EPHA3: variants seen among roughly 807,000 people sequenced by gnomAD.
EPHA3 encodes the protein EPH receptor A3, also known as ephrin type-A receptor 3.
A neutral mutation model predicts 107.1 loss-of-function variants in EPHA3; 42 were observed. The observed-to-expected ratio is 0.39, with a 90% CI of 0.31 to 0.51. The LOEUF is 0.51. Ranked by LOEUF, EPHA3 falls within the 20% of genes least tolerant of loss-of-function variation. EPHA3 has a pLI of 0.78. For synonymous variants in EPHA3, 461 were observed against 424.8 expected, an observed-to-expected ratio of 1.09 and a Z score of -1.05; for missense variants, 1,183 against 1,211.2, an observed-to-expected ratio of 0.98 and a Z score of 0.35.
intron 3 of EPHA3, among the ~76,000 whole-genome samples, chr3:89,294,206 T>G (rs1227458895): frequency 2.0e-5 from 3 of 152,150 alleles, no homozygotes; most frequent in African/African-American, 7.2e-5. Context: ...TAATTTATTT[T>G]TATTAATTTT....
chr3:89,399,421 G>C lies in EPHA3; in HGVS notation c.1535G>C (p.Arg512Pro), dbSNP rs1708912904. Residue 512 changes from arginine to proline, a missense_variant, in exon 7 of 17, where the codon CGA (arginine) becomes CCA (proline). Coordinates refer to ENST00000336596, the MANE Select transcript of EPHA3 (RefSeq NM_005233.6). ...DTIYVFQIRARTAAGYGTNSR... is the reference protein window; with the variant it reads ...DTIYVFQIRAPTAAGYGTNSR... Reference sequence around the variant, plus strand: ...ATATACGTATTCCAAATCCGAGCCCGAACAGCCGCTGGATATGGGACGAAC... The same window carrying C: ...ATATACGTATTCCAAATCCGAGCCCCAACAGCCGCTGGATATGGGACGAAC... 6.2e-7 allele frequency: 1 copy of C among 1,614,022 alleles called. No individual in the cohort carries two copies. The highest frequency in any genetic ancestry group is 2.2e-5 in the East Asian group (1 of 44,860).
At chr3:89,467,751 GAGAA>G (rs1411328757) in intron 15 of EPHA3, among the ~76,000 whole-genome samples, 1 of 152,170 alleles carries the variant, frequency 6.6e-6, no homozygotes, top group African/African-American at 2.4e-5. Context: ...TAGAAAGAGA[GAGAA>G]AGAAAGGGAA....
chr3:89,345,473 T>A (rs1199277656), intron 5 of EPHA3, among the ~76,000 whole-genome samples: 1 of 151,218 alleles, frequency 6.6e-6, no homozygotes, highest in Non-Finnish European at 1.5e-5. Context: ...CCCAGATTTC[T>A]CCTAGATTAA....
chr3:89,358,961 A>G lies in EPHA3; in HGVS notation c.1306+16871A>G, dbSNP rs542197261. ...AACAATGGGACAAGAGCAAATGTTTAAAGTTGTGCAGTAAAACTCACCACA... is the reference window on the plus strand; with the variant it reads ...AACAATGGGACAAGAGCAAATGTTTGAAGTTGTGCAGTAAAACTCACCACA... On this transcript the variant is annotated intron_variant, in intron 5 of 16. Transcript: ENST00000336596. Among the ~76,000 whole-genome samples, 54 of 151,342 alleles carry G rather than the reference A, an allele frequency of 3.6e-4. 4 individuals are homozygous for G. The highest frequency in any genetic ancestry group is 6.1e-4 in the Non-Finnish European group (41 of 67,482).
intron 3 of EPHA3, among the ~76,000 whole-genome samples, chr3:89,305,133 T>C (rs1486640913): frequency 6.6e-6 from 1 of 152,204 alleles, no homozygotes; most frequent in Admixed American, 6.5e-5. Flanking sequence ...GAATTCTCCA[T>C]AGATACTTGC....
At chr3:89,307,357 C>CA (rs2107355075) in intron 3 of EPHA3, among the ~76,000 whole-genome samples, 1 of 152,098 alleles carries the variant, frequency 6.6e-6, no homozygotes, top group African/African-American at 2.4e-5. Context: ...CCAAATAAAT[C>CA]AAAACCCATG....
At chr3:89,367,420 C>T (rs933039093) in intron 5 of EPHA3, among the ~76,000 whole-genome samples, 5 of 150,574 alleles carry the variant, frequency 3.3e-5, no homozygotes, top group African/African-American at 1.2e-4. Context: ...TGTCACTGCT[C>T]TTATAGGTGA....
intron 3 of EPHA3, among the ~76,000 whole-genome samples, chr3:89,230,765 T>A (rs551773560): frequency 1.3e-5 from 2 of 151,030 alleles, no homozygotes; most frequent in South Asian, 4.2e-4. Context: ...ACTGGTATGG[T>A]TCCACTTCCC....
chr3:89,432,089 T>C (rs1709579737), intron 13 of EPHA3, among the ~76,000 whole-genome samples: 1 of 152,082 alleles, frequency 6.6e-6, no homozygotes, highest in African/African-American at 2.4e-5. Context: ...CAAATTATTA[T>C]TATATTTAAT....
At chr3:89,417,674 G>A (rs1709274672) in intron 10 of EPHA3, among the ~76,000 whole-genome samples, 1 of 151,138 alleles carries the variant, frequency 6.6e-6, no homozygotes, top group South Asian at 2.1e-4. Context: ...TCTACTCCCT[G>A]ATTCTTTCTG....
At chr3:89,444,324 A>G (rs1437810387) in intron 13 of EPHA3, among the ~76,000 whole-genome samples, 1 of 152,132 alleles carries the variant, frequency 6.6e-6, no homozygotes, top group Non-Finnish European at 1.5e-5. Flanking sequence ...GTATGTATCT[A>G]TCTTTTCTTA....
intron 7 of EPHA3, among the ~76,000 whole-genome samples, chr3:89,404,734 G>C (rs1332666011): frequency 6.6e-6 from 1 of 152,118 alleles, no homozygotes. Context: ...AGAAATCCTA[G>C]TTTAATTCTG....
chr3:89,369,346 C>T lies in EPHA3; in HGVS notation c.1307-26491C>T, dbSNP rs564720714. 1.5e-3 allele frequency among the ~76,000 whole-genome samples: 223 copies of T among 150,684 alleles called. 2 individuals carry two copies. The highest frequency in any genetic ancestry group is 4.9e-3 in the African/African-American group (200 of 41,198). ...AACAGAGCCCTCAGAAATAATGCCACGTATCTACAACTATCTGATCTTTGA... is the reference window on the plus strand; with the variant it reads ...AACAGAGCCCTCAGAAATAATGCCATGTATCTACAACTATCTGATCTTTGA... On this transcript the variant is annotated intron_variant, in intron 5 of 16. Coordinates refer to ENST00000336596, the MANE Select transcript of EPHA3 (RefSeq NM_005233.6).
intron 2 of EPHA3, among the ~76,000 whole-genome samples, chr3:89,200,833 C>A (rs79718078): frequency 0.015 from 2,283 of 152,176 alleles, 65 homozygotes; most frequent in African/African-American, 0.053. Flanking sequence ...GTTAGGTGAA[C>A]TGGCATGTCT....
intron 2 of EPHA3, among the ~76,000 whole-genome samples, chr3:89,152,330 C>T (rs1704707044): frequency 6.6e-6 from 1 of 152,028 alleles, no homozygotes; most frequent in South Asian, 2.1e-4. Context: ...AAACGACCTC[C>T]TCATGCTGTT....
At chr3:89,276,731 T>A (rs987925359) in intron 3 of EPHA3, among the ~76,000 whole-genome samples, 2 of 152,112 alleles carry the variant, frequency 1.3e-5, no homozygotes, top group African/African-American at 4.8e-5. Flanking sequence ...CTAATCCGAA[T>A]AGCCTTCTCA....
intron 3 of EPHA3, among the ~76,000 whole-genome samples, chr3:89,282,708 G>A (rs964528394): frequency 6.6e-6 from 1 of 152,032 alleles, no homozygotes; most frequent in Non-Finnish European, 1.5e-5. Context: ...TGTAAAAAGT[G>A]AATAAATGTG....
intron 7 of EPHA3, chr3:89,400,099 T>C (rs1708927852): frequency 9.9e-7 from 1 of 1,008,500 alleles, no homozygotes; most frequent in African/African-American, 1.7e-5. Flanking sequence ...TTTGCTAAAA[T>C]ATAATTTTCA....
At chr3:89,419,484 C>G (rs1709315369) in intron 11 of EPHA3, 94 bp downstream of exon 11, 1 of 1,100,782 alleles carries the variant, frequency 9.1e-7, no homozygotes, top group Non-Finnish European at 1.3e-6. Flanking sequence ...GGCTTTTTTT[C>G]ATAAGTATCT....
Sources: allele counts gnomAD v4.1 joint callset (sites outside exome capture counted in the v4.1 genomes callset), GRCh38; gene constraint gnomAD v4.1.1; transcripts MANE v1.5; gene names NCBI Gene and HGNC (gene_info 2026-07-23, HGNC 2026-07-21).